LEKR1: variants seen among roughly 807,000 people sequenced by gnomAD.
The protein encoded by LEKR1 is leucine, glutamate and lysine rich 1, also known as protein LEKR1.
A neutral mutation model predicts 72.4 loss-of-function variants in LEKR1; 59 were observed. The observed-to-expected ratio is 0.82, with a 90% CI of 0.66 to 1.01. The LOEUF (loss-of-function observed/expected upper bound fraction) is 1.01, where lower values mean the gene tolerates loss of function less well. LEKR1 is among the 50% of genes least tolerant of loss of function. The pLI, the probability that LEKR1 is intolerant of heterozygous loss-of-function variation, is 0.00. For synonymous variants in LEKR1, 257 were observed against 263.2 expected, an observed-to-expected ratio of 0.98 and a Z score of 0.23; for missense variants, 728 against 759.2, an observed-to-expected ratio of 0.96 and a Z score of 0.48.
chr3:157,032,031 T>A (rs1297728535), intron 12 of LEKR1, among the ~76,000 whole-genome samples: 1 of 150,942 alleles, frequency 6.6e-6, no homozygotes, highest in Non-Finnish European at 1.5e-5. Context: ...AAGGAGTCCC[T>A]GAGAAGATAC....
At chr3:156,980,704 C>T (rs373712479) in intron 7 of LEKR1, among the ~76,000 whole-genome samples, 2 of 152,120 alleles carry the variant, frequency 1.3e-5, no homozygotes, top group East Asian at 1.9e-4. Context: ...GAAGAGGGCA[C>T]AGTCTAGGCA....
At position 156,947,796 on chromosome 3, in the gene LEKR1, T is replaced by TTATTA. The variant is rs1726815189; in HGVS notation, c.745+5083_745+5087dup. 2.0e-5 allele frequency among the ~76,000 whole-genome samples: 3 copies of TTATTA among 151,394 alleles called. No individual in the cohort carries two copies. The South Asian group carries it at 6.2e-4, about 31-fold the overall frequency. ...AATATTACATTGATTTGAATATGAC[T>TTATTA]TATTAGCATATTCTTTCAGGTGCTA... On this transcript the variant is annotated intron_variant, in intron 6 of 12. Coordinates refer to ENST00000356539, the MANE Select transcript of LEKR1 (RefSeq NM_001004316.3).
intron 3 of LEKR1, among the ~76,000 whole-genome samples, chr3:156,858,647 C>T (rs939833535): frequency 5.3e-5 from 8 of 150,974 alleles, no homozygotes; most frequent in Non-Finnish European, 1.2e-4. Context: ...TACATTCCAG[C>T]CTGGATGGCA....
intron 3 of LEKR1, among the ~76,000 whole-genome samples, chr3:156,917,639 G>A (rs1574980): frequency 0.84 from 128,365 of 152,156 alleles, 54,312 homozygotes; most frequent in African/African-American, 0.91. Context: ...TTTAAAATAT[G>A]TGATTTTCTA....
intron 4 of LEKR1, chr3:156,924,895 C>T (rs371572803): frequency 1.2e-3 from 188 of 163,172 alleles, no homozygotes; most frequent in African/African-American, 4.2e-3. Context: ...TAACTTCCTT[C>T]TTCGTTTTCA....
intron 10 of LEKR1, among the ~76,000 whole-genome samples, chr3:157,013,320 A>T (rs952482061): frequency 1.3e-5 from 2 of 152,132 alleles, no homozygotes; most frequent in Non-Finnish European, 2.9e-5. Flanking sequence ...ACTTCACTGG[A>T]GAAAAGGTCT....
chr3:156,878,945 C>T (rs116848327), intron 3 of LEKR1, among the ~76,000 whole-genome samples: 48 of 152,210 alleles, frequency 3.2e-4, no homozygotes, highest in South Asian at 4.2e-4. Context: ...TTTTGCCTTT[C>T]GCTGTGATTA....
Position 156,953,133 on chromosome 3 carries a change from G to A in LEKR1, c.745+10419G>A, listed in dbSNP as rs139456040. Among the ~76,000 whole-genome samples the A allele has an allele frequency of 3.6e-3, 544 of 149,682 alleles. 2 individuals are homozygous for A. Among genetic ancestry groups the A allele is most frequent in the African/African-American group, 0.013 (513 of 40,998 alleles). The stretch of plus-strand genomic sequence containing the variant: ...ATTATTTGGAGGCAATCAGAATTAG[G>A]TGAATGAGAGATGAATGAGGGGAGT... On this transcript the variant is annotated intron_variant, in intron 6 of 12. Coordinates refer to ENST00000356539, the MANE Select transcript of LEKR1 (RefSeq NM_001004316.3).
chr3:156,929,879 T>C (rs769168627), intron 5 of LEKR1, among the ~76,000 whole-genome samples: 1 of 152,152 alleles, frequency 6.6e-6, no homozygotes, highest in Non-Finnish European at 1.5e-5. Flanking sequence ...CTTTATGAGG[T>C]GATAATATTT....
chr3:156,849,916 A>G (rs1715133178), intron 2 of LEKR1, among the ~76,000 whole-genome samples: 1 of 152,360 alleles, frequency 6.6e-6, no homozygotes, highest in South Asian at 2.1e-4. Flanking sequence ...ATGGGATCTA[A>G]TTAAACTAAA....
At chr3:156,963,176 A>T (rs1728272638) in intron 6 of LEKR1, among the ~76,000 whole-genome samples, 1 of 152,208 alleles carries the variant, frequency 6.6e-6, no homozygotes, top group South Asian at 2.1e-4. Flanking sequence ...GGCACCTGTC[A>T]TAAGATTAAC....
At chr3:156,910,113 T>C (rs62275766) in intron 3 of LEKR1, among the ~76,000 whole-genome samples, 4,826 of 152,278 alleles carry the variant, frequency 0.032, 116 homozygotes, top group Non-Finnish European at 0.047. Context: ...TAAAAATCTA[T>C]TCTTTTCCCA....
chr3:156,861,828 G>A (rs983218406), intron 3 of LEKR1, among the ~76,000 whole-genome samples: 1 of 152,048 alleles, frequency 6.6e-6, no homozygotes, highest in Non-Finnish European at 1.5e-5. Flanking sequence ...TTTATAACAT[G>A]TAGATCTAAG....
chr3:156,989,692 A>G (rs1006261329), intron 7 of LEKR1, among the ~76,000 whole-genome samples: 5 of 152,200 alleles, frequency 3.3e-5, no homozygotes, highest in Admixed American at 1.3e-4. Flanking sequence ...TGTAAAAATA[A>G]TAATAGTTCA....
At chr3:156,980,525 A>G (rs919810519) in intron 7 of LEKR1, among the ~76,000 whole-genome samples, 1 of 151,878 alleles carries the variant, frequency 6.6e-6, no homozygotes, top group East Asian at 1.9e-4. Flanking sequence ...ACTTTTTGGG[A>G]GATTGTTTTA....
intron 12 of LEKR1, among the ~76,000 whole-genome samples, chr3:157,031,426 T>A (rs940133738): frequency 5.9e-5 from 9 of 152,234 alleles, no homozygotes; most frequent in African/African-American, 2.2e-4. Context: ...GAGGGTAGAC[T>A]AGAGTTTCCT....
intron 3 of LEKR1, among the ~76,000 whole-genome samples, chr3:156,876,858 G>A (rs553304181): frequency 6.6e-6 from 1 of 152,260 alleles, no homozygotes; most frequent in East Asian, 1.9e-4. Flanking sequence ...CTAGTACTAT[G>A]TTGAATAGAA....
intron 2 of LEKR1, 42 bp from the exon 3 acceptor site, chr3:156,852,726 C>G: frequency 9.4e-7 from 1 of 1,061,944 alleles, no homozygotes; most frequent in Non-Finnish European, 1.3e-6. Context: ...CTTGTTTTTT[C>G]AGAATTAAAA....
At chr3:156,991,292 A>G (rs923850123) in intron 7 of LEKR1, among the ~76,000 whole-genome samples, 14 of 151,982 alleles carry the variant, frequency 9.2e-5, no homozygotes, top group Admixed American at 9.2e-4. Context: ...TCACCAGAGT[A>G]TTCTTCTTAT....
Sources: allele counts gnomAD v4.1 joint callset (sites outside exome capture counted in the v4.1 genomes callset), GRCh38; gene constraint gnomAD v4.1.1; transcripts MANE v1.5; gene names NCBI Gene and HGNC (gene_info 2026-07-23, HGNC 2026-07-21).